Variants in ATXN1 observed in about 807,000 individuals in gnomAD.
ATXN1 encodes ataxin-1.
Under a neutral mutation model 56.4 loss-of-function variants are expected in ATXN1, and 8 were observed. That is an observed-to-expected ratio of 0.14 (90% CI 0.08 to 0.26). ATXN1 has a LOEUF of 0.26. ATXN1 is among the 10% of genes least tolerant of loss of function. ATXN1 has a pLI of 1.00. For missense variants in ATXN1, 987 were observed against 1,106.5 expected (o/e 0.89, Z 1.53); for synonymous variants, 514 against 494.6 (o/e 1.04, Z -0.52).
At chr6:16,428,990 C>A (rs1165895725) in intron 6 of ATXN1, among the ~76,000 whole-genome samples, 4 of 150,950 alleles carry the variant, frequency 2.6e-5, no homozygotes, top group Admixed American at 6.6e-5. Flanking sequence ...ATTAGAATTA[C>A]AATGTGAAGT....
At chr6:16,421,114 G>C (rs1186021142) in intron 6 of ATXN1, among the ~76,000 whole-genome samples, 1 of 152,176 alleles carries the variant, frequency 6.6e-6, no homozygotes, top group African/African-American at 2.4e-5. Context: ...AGGACAGAGG[G>C]GCAGCTTTGT....
At chr6:16,521,390 C>G (rs1201963372) in intron 5 of ATXN1, among the ~76,000 whole-genome samples, 1 of 152,178 alleles carries the variant, frequency 6.6e-6, no homozygotes, top group Non-Finnish European at 1.5e-5. Context: ...AAACCCATCT[C>G]TACTAAAAAT....
At chr6:16,551,154 G>T (rs777324869) in intron 4 of ATXN1, among the ~76,000 whole-genome samples, 7 of 152,212 alleles carry the variant, frequency 4.6e-5, no homozygotes, top group Non-Finnish European at 1.0e-4. Context: ...ATATTTTACT[G>T]CAGGAAGAAG....
At chr6:16,336,109 CT>C (rs1761117428) in intron 6 of ATXN1, among the ~76,000 whole-genome samples, 1 of 152,118 alleles carries the variant, frequency 6.6e-6, no homozygotes, top group East Asian at 1.9e-4. Flanking sequence ...ATCTCATTTA[CT>C]CTTCATAACA....
intron 4 of ATXN1, among the ~76,000 whole-genome samples, chr6:16,564,009 A>C (rs1321683228): frequency 6.6e-6 from 1 of 152,230 alleles, no homozygotes; most frequent in Non-Finnish European, 1.5e-5. Flanking sequence ...TGAGGGAGTC[A>C]ACAGACAGCA....
chr6:16,649,901 A>C (rs1224430420), intron 3 of ATXN1, among the ~76,000 whole-genome samples: 2 of 152,190 alleles, frequency 1.3e-5, no homozygotes, highest in African/African-American at 4.8e-5. Context: ...ATATGAGCAG[A>C]AAATTGCAAT....
chr6:16,557,564 A>G (rs1762038069), intron 4 of ATXN1, among the ~76,000 whole-genome samples: 1 of 152,196 alleles, frequency 6.6e-6, no homozygotes, highest in African/African-American at 2.4e-5. Context: ...TGGCCATAAC[A>G]ATGATATAAA....
At chr6:16,488,823 C>T (rs990348076) in intron 5 of ATXN1, among the ~76,000 whole-genome samples, 6 of 152,172 alleles carry the variant, frequency 3.9e-5, no homozygotes, top group Non-Finnish European at 7.3e-5. Context: ...TAACAATATT[C>T]CACATTCAAA....
chr6:16,387,275 T>C (rs978482381), intron 6 of ATXN1, among the ~76,000 whole-genome samples: 8 of 152,290 alleles, frequency 5.3e-5, no homozygotes, highest in African/African-American at 1.7e-4. Flanking sequence ...CTCATTAAAT[T>C]GCCATTGCTC....
At chr6:16,312,839 C>A (rs1760429018) in intron 7 of ATXN1, among the ~76,000 whole-genome samples, 1 of 152,080 alleles carries the variant, frequency 6.6e-6, no homozygotes, top group Admixed American at 6.6e-5. Context: ...CCCATAAAAA[C>A]CCTCCAACCA....
intron 2 of ATXN1, among the ~76,000 whole-genome samples, chr6:16,673,553 T>C: frequency 6.6e-6 from 1 of 152,186 alleles, no homozygotes; most frequent in East Asian, 1.9e-4. Context: ...ACTCCAGCAC[T>C]ATTAACATTT....
At chr6:16,402,324 G>A (rs1247392114) in intron 6 of ATXN1, among the ~76,000 whole-genome samples, 2 of 123,628 alleles carry the variant, frequency 1.6e-5, no homozygotes, top group Non-Finnish European at 3.2e-5. Context: ...CTAGAACTCA[G>A]AATATATTTG....
chr6:16,688,625 A>G (rs1242117847), intron 2 of ATXN1, among the ~76,000 whole-genome samples: 2 of 152,242 alleles, frequency 1.3e-5, no homozygotes, highest in East Asian at 3.8e-4. Context: ...CTTGCTCAAC[A>G]TAATATTGCA....
chr6:16,384,226 C>G (rs989139188), intron 6 of ATXN1, among the ~76,000 whole-genome samples: 1 of 152,174 alleles, frequency 6.6e-6, no homozygotes, highest in African/African-American at 2.4e-5. Context: ...AAAAAATACT[C>G]AGGACATGGA....
At chr6:16,597,433 T>A (rs1029644265) in intron 3 of ATXN1, among the ~76,000 whole-genome samples, 1 of 134,766 alleles carries the variant, frequency 7.4e-6, no homozygotes, top group Non-Finnish European at 1.6e-5. Context: ...ACAAGCAGCA[T>A]AAATCTATTT....
intron 2 of ATXN1, among the ~76,000 whole-genome samples, chr6:16,722,172 G>T (rs1759758670): frequency 1.3e-5 from 2 of 152,194 alleles, no homozygotes; most frequent in Admixed American, 6.5e-5. Context: ...GAGATAACGA[G>T]TCCAAGCACG....
At position 16,489,290 on chromosome 6, in the gene ATXN1, A is replaced by G. The variant is rs1234111788; in HGVS notation, c.-298-3181T>C. Among the ~76,000 whole-genome samples, 3 of 152,240 alleles carry G rather than the reference A, an allele frequency of 2.0e-5. No homozygotes were observed. In the East Asian group the frequency reaches 5.8e-4, roughly 29 times the overall value. ...GTTCTAGGACTTAACCCTTACTCCA[A>G]AAGAATCACCAGTCTACAGCTATGC... On this transcript the variant is annotated intron_variant, in intron 5 of 7. Coordinates refer to ENST00000436367, the MANE Select transcript of ATXN1 (RefSeq NM_001128164.2).
At chr6:16,336,872 T>C (rs1463463975) in intron 6 of ATXN1, among the ~76,000 whole-genome samples, 2 of 152,118 alleles carry the variant, frequency 1.3e-5, no homozygotes, top group Non-Finnish European at 2.9e-5. Flanking sequence ...AATAGTAGTG[T>C]TTTTTGACCC....
At chr6:16,524,919 G>A (rs921901171) in intron 4 of ATXN1, among the ~76,000 whole-genome samples, 5 of 152,198 alleles carry the variant, frequency 3.3e-5, no homozygotes, top group Non-Finnish European at 5.9e-5. Context: ...GGGCATGGTG[G>A]CATGCACCTG....
Sources: allele counts gnomAD v4.1 joint callset (sites outside exome capture counted in the v4.1 genomes callset), GRCh38; gene constraint gnomAD v4.1.1; transcripts MANE v1.5; gene names NCBI Gene and HGNC (gene_info 2026-07-23, HGNC 2026-07-21).